CROCC: variants seen among roughly 807,000 people sequenced by gnomAD.
CROCC encodes the protein ciliary rootlet coiled-coil, rootletin.
Under a neutral mutation model 245.2 loss-of-function variants are expected in CROCC, and 180 were observed. The ratio of observed to expected loss-of-function variants is 0.73; its 90% CI spans 0.65 to 0.83. CROCC has a LOEUF of 0.83. Among genes scored for constraint, CROCC ranks in the 40% least tolerant of loss-of-function variants. CROCC has a pLI of 0.00. For synonymous variants in CROCC, 1,205 were observed against 1,241.6 expected (o/e 0.97, Z 0.62); for missense variants, 2,688 against 2,779.4 (o/e 0.97, Z 0.74).
At chr1:16,952,914 C>T (rs143548068) in intron 20 of CROCC, among the ~76,000 whole-genome samples, 4 of 152,254 alleles carry the variant, frequency 2.6e-5, no homozygotes, top group African/African-American at 7.2e-5. Context: ...ATGGCCCACA[C>T]GGCCTGTCCT....
chr1:16,969,481 C>T lies in CROCC; in HGVS notation c.5301+141C>T, dbSNP rs547122520. 26 of 898,764 alleles carry T rather than the reference C, an allele frequency of 2.9e-5. No individual in the cohort carries two copies. The South Asian group carries it at 3.4e-4, about 12-fold the overall frequency. The allele number at this position is 898,764 out of a possible 1,614,324, so 55.7% of individuals were successfully genotyped here. On this transcript the variant is annotated intron_variant, in intron 32 of 36. Transcript: ENST00000375541. The stretch of plus-strand genomic sequence containing the variant: ...ATGAGAGCAGGCTTTGAAGGGAGGG[C>T]GTGGGCCCAGTAGACCATCAGCCAA...
At chr1:16,951,761 G>C (rs1409747586) in intron 20 of CROCC, among the ~76,000 whole-genome samples, 13 of 152,264 alleles carry the variant, frequency 8.5e-5, no homozygotes, top group Admixed American at 7.9e-4. Flanking sequence ...TCCTAGACAG[G>C]GCTGCCTCTG....
chr1:16,965,837 T>C lies in CROCC; in HGVS notation c.4520T>C (p.Val1507Ala). ...PASPDLDPEA[V>A]RGALREFLQE... ...TCTCCAGACCTGGACCCGGAGGCAG[T>C]GCGCGGGGCCCTCCGGGAATTCCTG... Residue 1507 changes from valine to alanine, a missense_variant, in exon 28 of 37, where the codon GTG becomes GCG. By Grantham distance (64) the Val-to-Ala change is moderately conservative (BLOSUM62 0). Transcript: ENST00000375541. 6.2e-7 allele frequency: 1 copy of C among 1,613,662 alleles called. No homozygotes were observed. Among genetic ancestry groups the C allele is most frequent in the South Asian group, 1.1e-5 (1 of 91,086 alleles).
chr1:16,936,984 G>C (rs1274001771), intron 9 of CROCC, 111 bp downstream of exon 9: 2 of 1,154,612 alleles, frequency 1.7e-6, no homozygotes, highest in Non-Finnish European at 2.5e-6. Context: ...TCCTCTGTGA[G>C]CTCAGCCAGT....
Position 16,960,797 on chromosome 1 carries a change from G to T in CROCC, c.4072G>T (p.Glu1358Ter), listed in dbSNP as rs777921420. The change falls in exon 27 of 37, where the codon GAG (glutamate) becomes TAG (stop). Residue 1358 changes from glutamate to a stop codon, truncating the protein, a stop_gained. Transcript: ENST00000375541. LOFTEE classifies it high-confidence loss of function. The part of the protein sequence containing the change: ...AQRKLQEQEG[E>*]FRTRERRLLG... ...GCGGAAGCTGCAGGAACAAGAAGGC[G>T]AGTTCCGGACCCGCGAGCGACGCCT... The T allele has an allele frequency of 7.8e-6, 12 of 1,537,834 alleles. No homozygotes were observed. Among genetic ancestry groups the T allele is most frequent in the South Asian group, 1.2e-5 (1 of 84,186 alleles).
At chr1:16,955,908 C>T in intron 24 of CROCC, 89 bp from the exon 25 acceptor site, 1 of 1,473,656 alleles carries the variant, frequency 6.8e-7, no homozygotes, top group Non-Finnish European at 9.2e-7. Context: ...GTGCCTGATC[C>T]ACTCCAGAAA....
chr1:16,933,321 T>C (rs1440578384), intron 8 of CROCC, among the ~76,000 whole-genome samples: 1 of 152,188 alleles, frequency 6.6e-6, no homozygotes, highest in Non-Finnish European at 1.5e-5. Context: ...ACAAAACTTA[T>C]CTAGGTGTGG....
chr1:16,918,300 CTTTTTTTT>C (rs201445636), upstream of CROCC, among the ~76,000 whole-genome samples: 1 of 123,872 alleles, frequency 8.1e-6, no homozygotes, highest in African/African-American at 2.9e-5. Flanking sequence ...GGAATTCAGT[CTTTTTTTT>C]TTTTTTTTTT....
chr1:16,938,889 C>T lies in CROCC; in HGVS notation c.1375-20C>T, dbSNP rs1164033284. The T allele has an allele frequency of 2.5e-6, 4 of 1,602,860 alleles. No homozygotes were observed. Among genetic ancestry groups the T allele is most frequent in the African/African-American group, 1.3e-5 (1 of 74,306 alleles). ...TTCCTAACTCAGCAGCCTCCTTCTG[C>T]CTCCCTCCCCCACCCTCAGGCCGTC... is the stretch of plus-strand genomic sequence containing the variant. On this transcript the variant is annotated intron_variant, in intron 11 of 36. Coordinates refer to ENST00000375541, the MANE Select transcript of CROCC (RefSeq NM_014675.5).
chr1:16,930,512 AC>A lies in CROCC; in HGVS notation c.768del (p.Asp256GlufsTer5), dbSNP rs745314004. 1 of 1,612,480 alleles carries A rather than the reference AC, an allele frequency of 6.2e-7. No individual in the cohort carries two copies. Among genetic ancestry groups the A allele is most frequent in the Non-Finnish European group, 8.5e-7 (1 of 1,179,850 alleles). ...TCGGCCAACCAGGCTCTGAGTGAGG[AC>A]ATACGAAAGGTGACCAATGACTGGA... is the stretch of plus-strand genomic sequence containing the variant. ...AGSANQALSE[D>X]IRKVTNDWTR... is the part of the protein sequence containing the mutation. On this transcript the variant is annotated frameshift_variant, in exon 7 of 37. Coordinates refer to ENST00000375541, the MANE Select transcript of CROCC (RefSeq NM_014675.5). LOFTEE classifies it high-confidence loss of function.
rs556236891 is a variant in CROCC at position 16,929,909 on chromosome 1, C to T, written c.415C>T (p.Arg139Trp). The change falls in exon 4 of 37, where the codon CGG becomes TGG. Residue 139 changes from arginine to tryptophan, a missense_variant. Physicochemically the swap from Arg to Trp is moderately radical, Grantham distance 101. Transcript: ENST00000375541. ...GACGCAGGAGCCCAGGGGGCTGGTA[C>T]GGCAGAGCGTGGAGTTGCGGAGGCA... ...LETQEPRGLV[R>W]QSVELRRQLQ... The T allele has an allele frequency of 1.6e-4, 252 of 1,588,726 alleles. No individual in the cohort carries two copies. Among genetic ancestry groups the T allele is most frequent in the East Asian group, 1.4e-4 (6 of 44,270 alleles).
In CROCC at chr1:16,929,879, C is replaced by T; in HGVS notation, c.385C>T (p.Leu129=). ...GGCTCTGCGGCTGGAGCCTGGGGAGCTGGAGACGCAGGAGCCCAGGGGGCT... is the reference window on the plus strand; with the variant it reads ...GGCTCTGCGGCTGGAGCCTGGGGAGTTGGAGACGCAGGAGCCCAGGGGGCT... ...EQALRLEPGE[L]ETQEPRGLVR... Residue 129 remains leucine, a synonymous_variant, in exon 4 of 37, where the codon CTG becomes TTG. Coordinates refer to ENST00000375541, the MANE Select transcript of CROCC (RefSeq NM_014675.5). The T allele has an allele frequency of 6.3e-7, 1 of 1,581,236 alleles. No homozygotes were observed. Among genetic ancestry groups the T allele is most frequent in the South Asian group, 1.2e-5 (1 of 86,580 alleles).
Position 16,954,339 on chromosome 1 carries a change from C to T in CROCC, c.3303C>T (p.Ser1101=). 1 of 1,611,602 alleles carries T rather than the reference C, an allele frequency of 6.2e-7. No homozygotes were observed. Among genetic ancestry groups the T allele is most frequent in the Non-Finnish European group, 8.5e-7 (1 of 1,179,714 alleles). Residue 1101 remains serine, a synonymous_variant, in exon 22 of 37, where the codon AGC becomes AGT. Transcript: ENST00000375541. The surrounding 1 kb of genome is among the most constrained non-coding windows in gnomAD (Gnocchi z 4.4). ...EMERQKRDAQ[S]RQEQDRSTVN... is the part of the protein sequence containing the mutation. ...AGCGGCAGAAACGAGATGCCCAGAG[C>T]CGGCAGGAGCAGGACCGGGTAGGGC...
chr1:16,943,196 C>A (rs1031893975), intron 13 of CROCC, among the ~76,000 whole-genome samples: 2 of 150,560 alleles, frequency 1.3e-5, no homozygotes, highest in African/African-American at 4.9e-5. Context: ...AAGCCGAGAT[C>A]GTGCACTGCA....
chr1:16,970,500 C>T (rs1034862891), intron 34 of CROCC, 47 bp downstream of exon 34: 31 of 1,507,454 alleles, frequency 2.1e-5, no homozygotes, highest in East Asian at 4.8e-5. Flanking sequence ...GGGGCCTAAC[C>T]GTGGTGGATC....
chr1:16,926,652 G>T (rs1330491572), intron 3 of CROCC, among the ~76,000 whole-genome samples: 10 of 152,260 alleles, frequency 6.6e-5, no homozygotes, highest in African/African-American at 2.4e-4. Flanking sequence ...GGACCTCAGG[G>T]CCCCCATGGG....
rs547771570 is a variant in CROCC, at chr1:16,925,787, G to C, written c.351+1308G>C. On this transcript the variant is annotated intron_variant, in intron 3 of 36. Coordinates refer to ENST00000375541, the MANE Select transcript of CROCC (RefSeq NM_014675.5). Reference sequence around the variant, plus strand: ...ACTAGTTGGGACTTGTAGAGGAGCAGAGTAGGCGGCCCGCAGTGGCCCCTG... The same window carrying C: ...ACTAGTTGGGACTTGTAGAGGAGCACAGTAGGCGGCCCGCAGTGGCCCCTG... Among the ~76,000 whole-genome samples the C allele has an allele frequency of 3.3e-5, 5 of 152,402 alleles. No homozygotes were observed. The East Asian group carries it at 5.8e-4, about 18-fold the overall frequency.
Position 16,937,747 on chromosome 1 carries a change from A to C in CROCC, c.1290+10A>C, listed in dbSNP as rs544670774. 9.9e-5 allele frequency: 158 copies of C among 1,603,840 alleles called. 1 individual carries two copies. The South Asian group carries it at 1.7e-3, about 17-fold the overall frequency. ...GAAGCTTGAGGCCCTGGTGAGCTGC[A>C]GGTGCCCCTGAGATGGGGCAGGGTG... On this transcript the variant is annotated intron_variant, in intron 10 of 36. Coordinates refer to ENST00000375541, the MANE Select transcript of CROCC (RefSeq NM_014675.5).
upstream of CROCC, among the ~76,000 whole-genome samples, chr1:16,919,614 C>T (rs1478300053): frequency 6.6e-6 from 1 of 152,290 alleles, no homozygotes; most frequent in African/African-American, 2.4e-5. Flanking sequence ...TGAGCAATTC[C>T]TGTCCTTTTT....
Sources: gnomAD v4.1 joint callset for allele counts (sites outside exome capture counted in the v4.1 genomes callset) on GRCh38, gnomAD v4.1.1 for gene constraint, Gnocchi (gnomAD v3.1) non-coding constraint, MANE v1.5 for transcripts, NCBI Gene and HGNC (gene_info 2026-07-23, HGNC 2026-07-21) for gene names.